The following ECHDC1 variants were observed in gnomAD, a reference collection of about 807,000 sequenced individuals.
ECHDC1 encodes ethylmalonyl-CoA decarboxylase 1.
A neutral mutation model predicts 29.7 loss-of-function variants in ECHDC1; 29 were observed. That is an observed-to-expected ratio of 0.98 (90% confidence interval 0.73 to 1.33). The LOEUF (loss-of-function observed/expected upper bound fraction) is 1.33, where lower values mean the gene tolerates loss of function less well. ECHDC1 is among the 40% of genes most tolerant of loss of function. The pLI is 0.00. For synonymous variants in ECHDC1, 126 were observed against 123.1 expected, an observed-to-expected ratio of 1.02 and a Z score of -0.15; for missense variants, 328 against 350.0, an observed-to-expected ratio of 0.94 and a Z score of 0.50.
intron 3 of ECHDC1, chr6:127,326,761 C>T (rs1329858651): frequency 4.5e-6 from 2 of 449,368 alleles, no homozygotes; most frequent in Non-Finnish European, 8.0e-6. Flanking sequence ...CTAGAAATAA[C>T]AGTAATTTCA....
chr6:127,329,829 T>C (rs1450151540), intron 2 of ECHDC1: 1 of 445,884 alleles, frequency 2.2e-6, no homozygotes, highest in Non-Finnish European at 4.5e-6. Flanking sequence ...CACCTTTGTT[T>C]CTTACATTAT....
chr6:127,323,009 T>C (rs1416987511), intron 3 of ECHDC1, among the ~76,000 whole-genome samples: 2 of 152,112 alleles, frequency 1.3e-5, no homozygotes, highest in African/African-American at 4.8e-5. Flanking sequence ...GACATGATAC[T>C]GTAAGTGGAA....
At chr6:127,324,258 A>AT (rs1373877115) in intron 3 of ECHDC1, among the ~76,000 whole-genome samples, 2 of 152,188 alleles carry the variant, frequency 1.3e-5, no homozygotes, top group Non-Finnish European at 2.9e-5. Flanking sequence ...TTACTAATTT[A>AT]TATTACCTAT....
intron 3 of ECHDC1, among the ~76,000 whole-genome samples, chr6:127,325,446 T>G (rs1342164962): frequency 6.6e-6 from 1 of 152,148 alleles, no homozygotes; most frequent in Non-Finnish European, 1.5e-5. Flanking sequence ...TTTGTTGAAT[T>G]ATGACTAACA....
chr6:127,302,745 T>C (rs751743458), intron 5 of ECHDC1, among the ~76,000 whole-genome samples: 6 of 152,182 alleles, frequency 3.9e-5, no homozygotes, highest in Non-Finnish European at 7.3e-5. Context: ...TTTATATTTA[T>C]ATATGTATTG....
At chr6:127,338,526 T>C (rs1784633119) in intron 1 of ECHDC1, among the ~76,000 whole-genome samples, 1 of 152,172 alleles carries the variant, frequency 6.6e-6, no homozygotes, top group Non-Finnish European at 1.5e-5. Context: ...GGAATTATGA[T>C]GCTTTATTGC....
At chr6:127,305,617 G>A (rs1339203441) in intron 5 of ECHDC1, among the ~76,000 whole-genome samples, 16 of 152,168 alleles carry the variant, frequency 1.1e-4, no homozygotes, top group Admixed American at 9.8e-4. Flanking sequence ...TCATGACATA[G>A]ACAGTATACA....
chr6:127,334,224 C>T (rs1784227622), intron 1 of ECHDC1, among the ~76,000 whole-genome samples: 1 of 152,102 alleles, frequency 6.6e-6, no homozygotes. Context: ...ATTATTTAAT[C>T]CTGAACTCAT....
chr6:127,299,372 G>A (rs1780875828), intron 5 of ECHDC1, among the ~76,000 whole-genome samples: 1 of 151,338 alleles, frequency 6.6e-6, no homozygotes, highest in Admixed American at 6.6e-5. Flanking sequence ...ATATGTGGAG[G>A]GGTAGGACAA....
At chr6:127,327,169 C>T in intron 2 of ECHDC1, 25 bp from the exon 3 acceptor site, 1 of 1,609,648 alleles carries the variant, frequency 6.2e-7, no homozygotes, top group Non-Finnish European at 8.5e-7. Flanking sequence ...AGTGGGAAAT[C>T]ACAAATATAT....
chr6:127,322,657 T>C (rs943858186), intron 3 of ECHDC1, among the ~76,000 whole-genome samples: 14 of 151,356 alleles, frequency 9.2e-5, no homozygotes, highest in Non-Finnish European at 1.3e-4. Flanking sequence ...TATATATATA[T>C]ATACAATGAT....
intron 5 of ECHDC1, among the ~76,000 whole-genome samples, chr6:127,308,338 T>G (rs1380820644): frequency 6.6e-6 from 1 of 152,128 alleles, no homozygotes; most frequent in Non-Finnish European, 1.5e-5. Context: ...CAAGGATGGT[T>G]CAACATACAC....
Position 127,309,512 on chromosome 6 carries a change from CA to C in ECHDC1, c.497+5303del, listed in dbSNP as rs1781718091. Among the ~76,000 whole-genome samples the C allele has an allele frequency of 3.0e-5, 3 of 99,540 alleles. No individual in the cohort carries two copies. The South Asian group carries it at 9.8e-4, about 33-fold the overall frequency. 65.3% of individuals were successfully genotyped at this position (99,540 alleles called of 152,430 possible). A position where few individuals can be genotyped will look rare whatever the true frequency, so the allele number is the denominator to read the frequency against. On this transcript the variant is annotated intron_variant, in intron 5 of 5. Transcript: ENST00000454859. ...ACACACACACACACACACACACACA[CA>C]CACACACACACACACACACACACAG...
intron 1 of ECHDC1, chr6:127,342,499 C>A: frequency 1.2e-6 from 1 of 857,660 alleles, no homozygotes. Context: ...TCTATTACTG[C>A]GCTGCTCCCT....
At chr6:127,331,158 T>C in intron 1 of ECHDC1, 128 bp from the exon 2 acceptor site, 1 of 715,372 alleles carries the variant, frequency 1.4e-6, no homozygotes, top group Non-Finnish European at 2.3e-6. Context: ...TTTCTTTTTT[T>C]TTTTTTTTTG....
At position 127,316,505 on chromosome 6, in the gene ECHDC1, T is replaced by C. The variant is rs763974827; in HGVS notation, c.364-3A>G. ...AACATGCATACGGCCATTCCATCCTTTAAATAAAAATAAGCAGAAACACAA... is the reference window on the plus strand; with the variant it reads ...AACATGCATACGGCCATTCCATCCTCTAAATAAAAATAAGCAGAAACACAA... On this transcript the variant is annotated splice_region_variant and splice_polypyrimidine_tract_variant and intron_variant, in intron 3 of 5. Transcript: ENST00000454859. 1.3e-6 allele frequency: 2 copies of C among 1,598,708 alleles called. No homozygotes were observed. Among genetic ancestry groups the C allele is most frequent in the Middle Eastern group, 1.7e-4 (1 of 5,940 alleles).
chr6:127,292,822 G>A (rs1780305488), intron 5 of ECHDC1, among the ~76,000 whole-genome samples: 1 of 152,010 alleles, frequency 6.6e-6, no homozygotes, highest in African/African-American at 2.4e-5. Flanking sequence ...GATAATCTAC[G>A]TAGAGTAATG....
chr6:127,313,459 C>A, intron 5 of ECHDC1: 1 of 394,046 alleles, frequency 2.5e-6, no homozygotes, highest in Non-Finnish European at 5.2e-6. Context: ...TATTTCAGCC[C>A]CCCAAAATGC....
chr6:127,299,909 C>A (rs1174931702), intron 5 of ECHDC1, among the ~76,000 whole-genome samples: 1 of 152,102 alleles, frequency 6.6e-6, no homozygotes, highest in Non-Finnish European at 1.5e-5. Flanking sequence ...CAAATACTTA[C>A]CATTGTGTTA....
Sources: allele counts gnomAD v4.1 joint callset (sites outside exome capture counted in the v4.1 genomes callset), GRCh38; gene constraint gnomAD v4.1.1; transcripts MANE v1.5; gene names NCBI Gene and HGNC (gene_info 2026-07-23, HGNC 2026-07-21).